The following DIS3L2 variants were observed in gnomAD, a reference collection of about 807,000 sequenced individuals.
DIS3L2 encodes the protein DIS3-like exonuclease 2.
A neutral mutation model predicts 97.5 loss-of-function variants in DIS3L2; 34 were observed. That is an observed-to-expected ratio of 0.35 (90% CI 0.27 to 0.46). The LOEUF is 0.46. Among genes scored for constraint, DIS3L2 ranks in the 20% least tolerant of loss-of-function variants. The probability of loss-of-function intolerance (pLI) is 1.00; values close to 1 mark genes in which losing one functional copy is unlikely to be tolerated. For missense variants in DIS3L2, 1,038 were observed against 1,146.0 expected (o/e 0.91, Z 1.36); for synonymous variants, 435 against 445.2 (o/e 0.98, Z 0.29).
At chr2:232,116,481 T>A (rs560493733) in intron 6 of DIS3L2, among the ~76,000 whole-genome samples, 23 of 152,334 alleles carry the variant, frequency 1.5e-4, no homozygotes, top group African/African-American at 4.8e-4. Flanking sequence ...CTACTGTCAT[T>A]GATTCTTCTT....
intron 13 of DIS3L2, among the ~76,000 whole-genome samples, chr2:232,283,876 G>T (rs141245713): frequency 6.6e-6 from 1 of 152,142 alleles, no homozygotes; most frequent in Admixed American, 6.5e-5. Context: ...AAATGTACGT[G>T]TGTGACCAAA....
At chr2:232,003,368 A>G (rs1322024830) in intron 1 of DIS3L2, among the ~76,000 whole-genome samples, 2 of 152,186 alleles carry the variant, frequency 1.3e-5, no homozygotes, top group Non-Finnish European at 2.9e-5. Context: ...TAGCTTCATA[A>G]GAAAAAATAC....
At chr2:232,270,590 A>ACCATGG (rs1413364874) in intron 13 of DIS3L2, among the ~76,000 whole-genome samples, 1 of 149,662 alleles carries the variant, frequency 6.7e-6, no homozygotes, top group Non-Finnish European at 1.5e-5. Flanking sequence ...AAATAATAGT[A>ACCATGG]CCATGGCCAT....
intron 10 of DIS3L2, among the ~76,000 whole-genome samples, chr2:232,233,946 A>G (rs1340445550): frequency 6.6e-6 from 1 of 152,172 alleles, no homozygotes; most frequent in Non-Finnish European, 1.5e-5. Flanking sequence ...GCCTGCAGGG[A>G]CAGGAGTGAA....
intron 6 of DIS3L2, among the ~76,000 whole-genome samples, chr2:232,130,181 T>C (rs1698178162): frequency 6.6e-6 from 1 of 152,230 alleles, no homozygotes; most frequent in South Asian, 2.1e-4. Flanking sequence ...TTGTTTGTTA[T>C]GGCTGGTACC....
intron 6 of DIS3L2, among the ~76,000 whole-genome samples, chr2:232,118,681 T>C (rs548097070): frequency 6.6e-6 from 1 of 152,332 alleles, no homozygotes; most frequent in South Asian, 2.1e-4. Flanking sequence ...AATAGCCATA[T>C]AGCATCCATT....
intron 7 of DIS3L2, among the ~76,000 whole-genome samples, chr2:232,135,025 C>T (rs976212393): frequency 3.3e-5 from 5 of 151,994 alleles, no homozygotes; most frequent in East Asian, 1.9e-4. Flanking sequence ...GGAGAACAAG[C>T]GAGCTGTGTG....
chr2:231,985,267 C>T (rs1693378487), intron 1 of DIS3L2, among the ~76,000 whole-genome samples: 1 of 152,212 alleles, frequency 6.6e-6, no homozygotes, highest in Non-Finnish European at 1.5e-5. Flanking sequence ...TCCCTAACCC[C>T]ATCTAAGCAC....
At chr2:232,143,335 A>G (rs1444568934) in intron 8 of DIS3L2, among the ~76,000 whole-genome samples, 2 of 152,130 alleles carry the variant, frequency 1.3e-5, no homozygotes, top group African/African-American at 4.8e-5. Flanking sequence ...ATTCAGATTA[A>G]TTTTACAGTA....
intron 10 of DIS3L2, among the ~76,000 whole-genome samples, chr2:232,212,366 C>T (rs1389466064): frequency 6.6e-6 from 1 of 152,198 alleles, no homozygotes; most frequent in African/African-American, 2.4e-5. Flanking sequence ...TTGTTTTGTC[C>T]ATTTTCATAG....
intron 7 of DIS3L2, 22 bp from the exon 8 acceptor site, chr2:232,136,450 A>C: frequency 1.9e-6 from 3 of 1,612,858 alleles, no homozygotes; most frequent in Non-Finnish European, 2.5e-6. Flanking sequence ...AACAACATTG[A>C]CTATATCTTT....
intron 5 of DIS3L2, among the ~76,000 whole-genome samples, chr2:232,051,811 CAAAAAAAAAAAAAAAAAAAA>C (rs58851349): frequency 2.7e-5 from 1 of 37,062 alleles, no homozygotes; most frequent in Non-Finnish European, 4.8e-5. Context: ...GACTCCGTCT[CAAAAAAAAAAAAAAAAAAAA>C]AAAAAAAAGA....
At chr2:232,134,441 A>G (rs1347435426) in intron 7 of DIS3L2, among the ~76,000 whole-genome samples, 1 of 152,162 alleles carries the variant, frequency 6.6e-6, no homozygotes, top group Non-Finnish European at 1.5e-5. Context: ...GAAATGTTGC[A>G]GGACTGAGGG....
At chr2:232,234,014 C>T (rs1262136477) in intron 10 of DIS3L2, among the ~76,000 whole-genome samples, 1 of 152,088 alleles carries the variant, frequency 6.6e-6, no homozygotes. Context: ...AATGTGGCTT[C>T]CTTGGAGTTA....
downstream of DIS3L2, among the ~76,000 whole-genome samples, chr2:232,340,233 A>T (rs1249326335): frequency 6.6e-6 from 1 of 152,146 alleles, no homozygotes; most frequent in Non-Finnish European, 1.5e-5. Context: ...GCAGAAGGTG[A>T]GTGTCCCAGG....
chr2:232,036,852 G>C (rs1694963185), intron 5 of DIS3L2, among the ~76,000 whole-genome samples: 1 of 152,322 alleles, frequency 6.6e-6, no homozygotes, highest in Admixed American at 6.5e-5. Context: ...ATCAGTGGAG[G>C]CTGCAGAACA....
chr2:232,014,903 G>A lies in DIS3L2; in HGVS notation c.-25G>A. On this transcript the variant is annotated 5_prime_UTR_variant, in exon 2 of 21. Coordinates refer to ENST00000325385, the MANE Select transcript of DIS3L2 (RefSeq NM_152383.5). ...CAGTGGAGGTTTCTCTGGATCTGGAGAGAAGAGTGACCTTGGAGCCAATAA... is the reference window on the plus strand; with the variant it reads ...CAGTGGAGGTTTCTCTGGATCTGGAAAGAAGAGTGACCTTGGAGCCAATAA... 3 of 1,613,642 alleles carry A rather than the reference G, an allele frequency of 1.9e-6. No homozygotes were observed. Among genetic ancestry groups the A allele is most frequent in the Non-Finnish European group, 2.5e-6 (3 of 1,179,810 alleles).
intron 13 of DIS3L2, chr2:232,343,089 C>T (rs1000801235): frequency 1.1e-5 from 5 of 446,656 alleles, no homozygotes; most frequent in African/African-American, 5.9e-5. Flanking sequence ...CCATGTTCCC[C>T]GGCACTGCCG....
At position 232,078,009 on chromosome 2, in the gene DIS3L2, C is replaced by A. The variant is rs1006486378; in HGVS notation, c.367-9478C>A. Among the ~76,000 whole-genome samples the A allele has an allele frequency of 4.9e-5, 5 of 102,382 alleles. No individual in the cohort carries two copies. The East Asian group carries it at 1.9e-3, about 38-fold the overall frequency. The allele number at this position is 102,382 out of a possible 152,430, so 67.2% of individuals were successfully genotyped here. On this transcript the variant is annotated intron_variant, in intron 5 of 20. Coordinates refer to ENST00000325385, the MANE Select transcript of DIS3L2 (RefSeq NM_152383.5). Reference sequence around the variant, plus strand: ...TCTTTCTTTCTTTCTTTCTTTCTTTCTTTCTTTCTTTTTCTCTTTCTCTTT... The same window carrying A: ...TCTTTCTTTCTTTCTTTCTTTCTTTATTTCTTTCTTTTTCTCTTTCTCTTT...
Sources: gnomAD v4.1 joint callset for allele counts (sites outside exome capture counted in the v4.1 genomes callset) on GRCh38, gnomAD v4.1.1 for gene constraint, MANE v1.5 for transcripts, NCBI Gene and HGNC (gene_info 2026-07-23, HGNC 2026-07-21) for gene names.